The following SNX3 variants were observed in gnomAD, a reference collection of about 807,000 sequenced individuals.
The protein encoded by SNX3 is sorting nexin-3.
Under a neutral mutation model 17.7 loss-of-function variants are expected in SNX3, and 5 were observed. That is an observed-to-expected ratio of 0.28 (90% CI 0.15 to 0.59). SNX3 has a LOEUF of 0.59. SNX3 is among the 20% of genes least tolerant of loss of function. The probability of loss-of-function intolerance (pLI) is 0.88; values close to 1 mark genes in which losing one functional copy is unlikely to be tolerated. For missense variants in SNX3, 132 were observed against 206.8 expected, an observed-to-expected ratio of 0.64 and a Z score of 2.22; for synonymous variants, 91 against 76.5, an observed-to-expected ratio of 1.19 and a Z score of -0.99.
intron 1 of SNX3, among the ~76,000 whole-genome samples, chr6:108,249,964 G>A (rs1481993384): frequency 6.6e-6 from 1 of 152,178 alleles, no homozygotes; most frequent in Non-Finnish European, 1.5e-5. Flanking sequence ...AGGCTGGAGT[G>A]CAGTGGTGTG....
intron 1 of SNX3, among the ~76,000 whole-genome samples, chr6:108,230,837 G>C (rs1458803642): frequency 1.3e-5 from 2 of 152,108 alleles, no homozygotes; most frequent in African/African-American, 4.8e-5. Context: ...AAAAAGTTAA[G>C]TTGGTTTCCT....
intron 2 of SNX3, among the ~76,000 whole-genome samples, chr6:108,216,901 G>A (rs76516282): frequency 2.3e-3 from 355 of 152,254 alleles, no homozygotes; most frequent in African/African-American, 8.1e-3. Context: ...ATTTGTCTCC[G>A]TAAATTTATG....
At chr6:108,236,538 T>G (rs892822662) in intron 1 of SNX3, among the ~76,000 whole-genome samples, 2 of 150,940 alleles carry the variant, frequency 1.3e-5, no homozygotes, top group Admixed American at 6.6e-5. Context: ...CGCCCGCCAC[T>G]ACGCCCGGCT....
chr6:108,225,508 G>A (rs1774947779), intron 1 of SNX3, among the ~76,000 whole-genome samples: 1 of 152,044 alleles, frequency 6.6e-6, no homozygotes, highest in Non-Finnish European at 1.5e-5. Context: ...GCGGGCGCCT[G>A]CAATCCCAGC....
At chr6:108,216,099 T>TG (rs1458608837) in intron 2 of SNX3, among the ~76,000 whole-genome samples, 1 of 152,106 alleles carries the variant, frequency 6.6e-6, no homozygotes, top group Non-Finnish European at 1.5e-5. Context: ...TTTCTTGAGA[T>TG]GGGGTCTTGC....
intron 1 of SNX3, among the ~76,000 whole-genome samples, chr6:108,259,908 C>T (rs1384111815): frequency 6.6e-6 from 1 of 152,134 alleles, no homozygotes; most frequent in Non-Finnish European, 1.5e-5. Flanking sequence ...TTTAAAGATG[C>T]TTCCATACAT....
At chr6:108,219,534 G>C (rs1272787219) in intron 2 of SNX3, among the ~76,000 whole-genome samples, 4 of 152,214 alleles carry the variant, frequency 2.6e-5, no homozygotes, top group African/African-American at 9.7e-5. Flanking sequence ...CTTGAGACCA[G>C]GAGTTGGAGG....
At chr6:108,242,562 C>G (rs1169487077) in intron 1 of SNX3, among the ~76,000 whole-genome samples, 2 of 152,178 alleles carry the variant, frequency 1.3e-5, no homozygotes, top group Admixed American at 6.5e-5. Flanking sequence ...CCCTATCCAG[C>G]GTGGTAGGCT....
At chr6:108,249,080 G>A (rs1775773433) in intron 1 of SNX3, among the ~76,000 whole-genome samples, 1 of 152,122 alleles carries the variant, frequency 6.6e-6, no homozygotes, top group Non-Finnish European at 1.5e-5. Flanking sequence ...ATTAAGACAG[G>A]TGTAATGGCT....
chr6:108,246,635 CTTTT>C (rs200384200), intron 1 of SNX3, among the ~76,000 whole-genome samples: 4 of 150,826 alleles, frequency 2.7e-5, no homozygotes, highest in Non-Finnish European at 4.4e-5. Flanking sequence ...TCCTGCCTCC[CTTTT>C]TTTTTCTTAA....
intron 1 of SNX3, among the ~76,000 whole-genome samples, chr6:108,225,143 G>GT (rs1774936368): frequency 1.3e-5 from 2 of 152,114 alleles, no homozygotes; most frequent in African/African-American, 2.4e-5. Context: ...CCAGCCAGAC[G>GT]TAGTGGCAGG....
Position 108,212,095 on chromosome 6 carries a change from C to T in SNX3, c.*54G>A. 1 of 918,782 alleles carries T rather than the reference C, an allele frequency of 1.1e-6. No homozygotes were observed. Among genetic ancestry groups the T allele is most frequent in the East Asian group, 2.5e-5 (1 of 39,880 alleles). The allele number at this position is 918,782 out of a possible 1,614,324, so 56.9% of individuals were successfully genotyped here. A position where few individuals can be genotyped will look rare whatever the true frequency, so the allele number is the denominator to read the frequency against. On this transcript the variant is annotated 3_prime_UTR_variant, in exon 4 of 4. Coordinates refer to ENST00000230085, the MANE Select transcript of SNX3 (RefSeq NM_003795.6). ...AGCATGCTAAAAGTTAGAACTTCTTCACTGGTGCTTATCAATCATTAATAG... is the reference window on the plus strand; with the variant it reads ...AGCATGCTAAAAGTTAGAACTTCTTTACTGGTGCTTATCAATCATTAATAG...
intron 1 of SNX3, 38 bp downstream of exon 1, chr6:108,260,722 G>A (rs773497470): frequency 1.9e-6 from 3 of 1,611,958 alleles, no homozygotes; most frequent in Non-Finnish European, 2.5e-6. Flanking sequence ...CAGAGCCAGC[G>A]GGAGGGGTTT....
intron 2 of SNX3, chr6:108,222,341 G>C: frequency 7.7e-7 from 1 of 1,303,380 alleles, no homozygotes; most frequent in Non-Finnish European, 1.0e-6. Context: ...AGACACCAGA[G>C]TGAGACCTTG....
chr6:108,220,380 T>G (rs984141739), intron 2 of SNX3, among the ~76,000 whole-genome samples: 1 of 151,970 alleles, frequency 6.6e-6, no homozygotes. Flanking sequence ...AAAAAAAAAG[T>G]CTTCCACGCT....
Position 108,211,457 on chromosome 6 carries a change from A to G in SNX3, c.*692T>C, listed in dbSNP as rs1368130852. The G allele has an allele frequency of 6.6e-6, 1 of 152,458 alleles. No homozygotes were observed. Among genetic ancestry groups the G allele is most frequent in the Non-Finnish European group, 1.5e-5 (1 of 68,036 alleles). The allele number at this position is 152,458 out of a possible 1,614,324, so 9.4% of individuals were successfully genotyped here. A position where few individuals can be genotyped will look rare whatever the true frequency, so the allele number is the denominator to read the frequency against. On this transcript the variant is annotated 3_prime_UTR_variant, in exon 4 of 4. Coordinates refer to ENST00000230085, the MANE Select transcript of SNX3 (RefSeq NM_003795.6). ...AATTAGTAAATAATCCCTCTCAACA[A>G]GTGACTTAAGTAGTCACTCATAGAG...
At chr6:108,235,455 G>T (rs921048536) in intron 1 of SNX3, among the ~76,000 whole-genome samples, 2 of 152,194 alleles carry the variant, frequency 1.3e-5, no homozygotes, top group Non-Finnish European at 2.9e-5. Flanking sequence ...ATGTTTAATT[G>T]TAACTGTTTT....
chr6:108,249,579 C>A (rs374094250), intron 1 of SNX3, among the ~76,000 whole-genome samples: 2 of 152,278 alleles, frequency 1.3e-5, no homozygotes, highest in East Asian at 3.9e-4. Context: ...CTGCTGCCCA[C>A]TAGTTTATCA....
At chr6:108,257,151 T>C (rs921403297) in intron 1 of SNX3, among the ~76,000 whole-genome samples, 1 of 152,336 alleles carries the variant, frequency 6.6e-6, no homozygotes, top group Middle Eastern at 3.4e-3. Flanking sequence ...AAAATGGTTT[T>C]CCACATAGCA....
Sources: allele counts gnomAD v4.1 joint callset (sites outside exome capture counted in the v4.1 genomes callset), GRCh38; gene constraint gnomAD v4.1.1; transcripts MANE v1.5; gene names NCBI Gene and HGNC (gene_info 2026-07-23, HGNC 2026-07-21).